UTS2B: variants seen among roughly 807,000 people sequenced by gnomAD.
UTS2B encodes urotensin-2B.
In UTS2B, 21 loss-of-function variants were observed where a neutral mutation model predicts 19.2. The ratio of observed to expected loss-of-function variants is 1.09; its 90% confidence interval spans 0.78 to 1.58. UTS2B has a LOEUF of 1.58. UTS2B is among the 40% of genes most tolerant of loss of function. UTS2B has a pLI of 0.00. For missense variants in UTS2B, 138 were observed against 130.3 expected, an observed-to-expected ratio of 1.06 and a Z score of -0.29; for synonymous variants, 57 against 50.2, an observed-to-expected ratio of 1.14 and a Z score of -0.58.
chr3:191,322,127 T>A (rs1717628970), intron 2 of UTS2B, among the ~76,000 whole-genome samples: 1 of 152,182 alleles, frequency 6.6e-6, no homozygotes, highest in Admixed American at 6.5e-5. Context: ...ATATATAATG[T>A]ATGAATTTGG....
chr3:191,273,155 G>A (rs986149565), intron 8 of UTS2B, among the ~76,000 whole-genome samples: 2 of 152,158 alleles, frequency 1.3e-5, no homozygotes, highest in East Asian at 1.9e-4. Context: ...GCTACAGAGC[G>A]AGACTCCGTC....
chr3:191,346,068 CTTCTTACATT>C, the UTS2B span, among the ~76,000 whole-genome samples: 2 of 152,156 alleles, frequency 1.3e-5, no homozygotes, highest in Non-Finnish European at 1.5e-5. Flanking sequence ...TCATATTTCT[CTTCTTACATT>C]GGTGTTCAGG....
intron 4 of UTS2B, among the ~76,000 whole-genome samples, chr3:191,303,613 A>G (rs1301421340): frequency 1.3e-5 from 2 of 152,168 alleles, no homozygotes; most frequent in Non-Finnish European, 2.9e-5. Flanking sequence ...GAGGTTTAAA[A>G]TCATTCAAGA....
intron 3 of UTS2B, among the ~76,000 whole-genome samples, chr3:191,311,541 G>A (rs1203111490): frequency 3.3e-5 from 5 of 152,226 alleles, no homozygotes; most frequent in Admixed American, 2.0e-4. Context: ...ATTTCTGCAC[G>A]CTAACTCTGC....
intron 3 of UTS2B, among the ~76,000 whole-genome samples, chr3:191,305,588 A>T (rs1456607968): frequency 6.6e-6 from 1 of 152,092 alleles, no homozygotes; most frequent in Non-Finnish European, 1.5e-5. Context: ...TAGTTTGCAA[A>T]AATTTTTCTC....
At chr3:191,312,381 G>A (rs1717327215) in intron 3 of UTS2B, among the ~76,000 whole-genome samples, 1 of 152,140 alleles carries the variant, frequency 6.6e-6, no homozygotes, top group Non-Finnish European at 1.5e-5. Context: ...GTTATTACAT[G>A]GTCTTTATGT....
intron 3 of UTS2B, among the ~76,000 whole-genome samples, chr3:191,307,872 G>A (rs1480947138): frequency 1.7e-4 from 23 of 134,548 alleles, no homozygotes; most frequent in Non-Finnish European, 2.6e-4. Flanking sequence ...GTCTCGCTCC[G>A]TTGCCCAGGC....
chr3:191,268,737 C>A (rs1664766661), intron 8 of UTS2B, among the ~76,000 whole-genome samples: 1 of 152,162 alleles, frequency 6.6e-6, no homozygotes, highest in Admixed American at 6.5e-5. Context: ...TATTGGACAA[C>A]ACTGTTATAA....
intron 2 of UTS2B, among the ~76,000 whole-genome samples, chr3:191,326,005 T>C (rs1403226781): frequency 2.6e-5 from 4 of 152,150 alleles, no homozygotes; most frequent in African/African-American, 9.7e-5. Flanking sequence ...TGCATCCTCA[T>C]TTTTGGAACT....
At chr3:191,289,378 C>T (rs112124369) in intron 4 of UTS2B, among the ~76,000 whole-genome samples, 1,589 of 150,882 alleles carry the variant, frequency 0.011, 33 homozygotes, top group African/African-American at 0.036. Context: ...CACTGCACTC[C>T]GGCCTGGGCA....
chr3:191,267,772 T>C lies in UTS2B; in HGVS notation c.*644A>G, dbSNP rs1414503263. 1 of 149,436 alleles carries C rather than the reference T, an allele frequency of 6.7e-6. No individual in the cohort carries two copies. Among genetic ancestry groups the C allele is most frequent in the Non-Finnish European group, 1.5e-5 (1 of 66,526 alleles). 9.3% of individuals were successfully genotyped at this position (149,436 alleles called of 1,614,324 possible). On this transcript the variant is annotated 3_prime_UTR_variant, in exon 9 of 9. Transcript: ENST00000340524. ...TGTAGAAGTACAGTACATTTGTATGTAGAAGTACAGTATACAGAGATAAGA... is the reference window on the plus strand; with the variant it reads ...TGTAGAAGTACAGTACATTTGTATGCAGAAGTACAGTATACAGAGATAAGA...
In UTS2B at chr3:191,326,156, TG is replaced by T. The variant is rs1466332730; in HGVS notation, c.-586+2474del. Among the ~76,000 whole-genome samples the T allele has an allele frequency of 4.6e-5, 7 of 152,244 alleles. No individual in the cohort carries two copies. The South Asian group carries it at 8.3e-4, about 18-fold the overall frequency. On this transcript the variant is annotated intron_variant, in intron 2 of 8. Coordinates refer to ENST00000340524, the MANE Select transcript of UTS2B (RefSeq NM_198152.5). ...GTGTAATTTATTCATTTGCCTATAT[TG>T]TTTTTTTAACTTACTTTTAATTTGT...
intron 2 of UTS2B, among the ~76,000 whole-genome samples, chr3:191,320,965 A>G (rs1397237097): frequency 6.6e-6 from 1 of 152,246 alleles, no homozygotes; most frequent in Non-Finnish European, 1.5e-5. Flanking sequence ...CAGGGCCTAT[A>G]AGAGATGATT....
chr3:191,316,850 C>A (rs568780063), intron 2 of UTS2B, among the ~76,000 whole-genome samples: 3 of 152,176 alleles, frequency 2.0e-5, no homozygotes, highest in African/African-American at 7.2e-5. Context: ...CCACAAACCC[C>A]CAGCTAGACA....
chr3:191,332,951 T>G (rs1283469099), upstream of UTS2B, among the ~76,000 whole-genome samples: 1 of 152,230 alleles, frequency 6.6e-6, no homozygotes, highest in Non-Finnish European at 1.5e-5. Flanking sequence ...CTTTACCACT[T>G]TTAGCCATGC....
upstream of UTS2B, among the ~76,000 whole-genome samples, chr3:191,334,988 G>T (rs1191154858): frequency 6.6e-6 from 1 of 152,132 alleles, no homozygotes; most frequent in East Asian, 1.9e-4. Flanking sequence ...TTGCAAAAAT[G>T]CATGTCTTCT....
At chr3:191,297,679 C>A (rs1219049742) in intron 4 of UTS2B, among the ~76,000 whole-genome samples, 3 of 152,122 alleles carry the variant, frequency 2.0e-5, no homozygotes, top group Non-Finnish European at 2.9e-5. Flanking sequence ...CATTGCACTA[C>A]ACAACTTCTA....
At chr3:191,286,859 C>G (rs1716558288) in intron 4 of UTS2B, among the ~76,000 whole-genome samples, 1 of 150,788 alleles carries the variant, frequency 6.6e-6, no homozygotes, top group South Asian at 2.1e-4. Context: ...GAAAAATCCA[C>G]AAAACGTTAG....
chr3:191,319,001 C>T (rs1016658487), intron 2 of UTS2B, among the ~76,000 whole-genome samples: 2 of 152,034 alleles, frequency 1.3e-5, no homozygotes, highest in East Asian at 1.9e-4. Flanking sequence ...TTTTGAGGTA[C>T]ATATACATTT....
Sources: gnomAD v4.1 joint callset for allele counts (sites outside exome capture counted in the v4.1 genomes callset) on GRCh38, gnomAD v4.1.1 for gene constraint, MANE v1.5 for transcripts, NCBI Gene and HGNC (gene_info 2026-07-23, HGNC 2026-07-21) for gene names.